The following SLK variants were observed in gnomAD, a reference collection of about 807,000 sequenced individuals.
SLK encodes the protein STE20 like kinase.
A neutral mutation model predicts 147.7 loss-of-function variants in SLK; 67 were observed. The ratio of observed to expected loss-of-function variants is 0.45; its 90% CI spans 0.37 to 0.56. SLK has a LOEUF of 0.56. SLK is among the 20% of genes least tolerant of loss of function. SLK has a pLI of 0.00. For missense variants in SLK, 1,136 were observed against 1,438.8 expected (o/e 0.79, Z 3.41); for synonymous variants, 441 against 475.0 (o/e 0.93, Z 0.93).
chr10:103,985,692 T>A, intron 1 of SLK, among the ~76,000 whole-genome samples: 1 of 152,202 alleles, frequency 6.6e-6, no homozygotes, highest in Admixed American at 6.5e-5. Context: ...GGTCTTTCAG[T>A]TTCCAGCTAA....
chr10:104,023,927 G>T (rs1352732943), intron 18 of SLK, among the ~76,000 whole-genome samples: 1 of 152,178 alleles, frequency 6.6e-6, no homozygotes, highest in African/African-American at 2.4e-5. Flanking sequence ...AAACTCAGTA[G>T]AGAGAAAACC....
Position 104,010,871 on chromosome 10 carries a change from G to A in SLK, c.2840G>A (p.Arg947His), listed in dbSNP as rs141355740. ...GAGCTGAGAAAAGAGCTCATGAAAC[G>A]CAGGAAAGAGGAGCTTGCACAAAGC... The part of the protein sequence containing the change: ...PKELRKELMK[R>H]RKEELAQSQH... Residue 947 changes from arginine (R) to histidine (H), a missense_variant, in exon 13 of 19, where the codon CGC becomes CAC. Transcript: ENST00000369755. 1.0e-5 allele frequency: 16 copies of A among 1,598,848 alleles called. No individual in the cohort carries two copies. Among genetic ancestry groups the A allele is most frequent in the Non-Finnish European group, 1.3e-5 (15 of 1,175,788 alleles).
chr10:104,022,740 T>C (rs780473195), intron 18 of SLK, among the ~76,000 whole-genome samples: 62 of 152,352 alleles, frequency 4.1e-4, no homozygotes, highest in Non-Finnish European at 7.3e-4. Context: ...CCCAGGTAGC[T>C]GGGATTACAG....
chr10:104,022,282 C>G (rs1844545928), intron 18 of SLK, among the ~76,000 whole-genome samples: 2 of 152,020 alleles, frequency 1.3e-5, no homozygotes, highest in African/African-American at 2.4e-5. Context: ...TCAACTGGAG[C>G]CATATTAAAA....
rs1213857775 is a variant in SLK at position 103,967,928 on chromosome 10, A to G, written c.150+33A>G. The G allele has an allele frequency of 1.9e-6, 3 of 1,609,796 alleles. 1 individual carries two copies. The highest frequency in any genetic ancestry group is 1.3e-5 in the African/African-American group (1 of 74,808). On this transcript the variant is annotated intron_variant, in intron 1 of 18. Transcript: ENST00000369755. ...GGGGAAAACGGGAAGTTGTACTGCG[A>G]AGGTAAAACAGCCACTGGCCTGGAG...
rs749574763 is a variant in SLK at position 104,002,618 on chromosome 10, G to T, written c.1440G>T (p.Met480Ile). Residue 480 changes from methionine (M) to isoleucine (I), a missense_variant, in exon 9 of 19, where the codon ATG (methionine) becomes ATT (isoleucine). Met to Ile is a conservative substitution (Grantham distance 10). This residue lies in a region of SLK where 516 missense variants were observed against 531.3 expected (regional missense o/e 0.97). Transcript: ENST00000369755. ...EEEKDQEKQQMFENKLIKSEE... is the reference protein window; with the variant it reads ...EEEKDQEKQQIFENKLIKSEE... Reference sequence around the variant, plus strand: ...AAAAGGATCAGGAAAAGCAACAGATGTTTGAAAATAAGCTTATAAAATCTG... The same window carrying T: ...AAAAGGATCAGGAAAAGCAACAGATTTTTGAAAATAAGCTTATAAAATCTG... The T allele has an allele frequency of 2.5e-6, 4 of 1,607,082 alleles. No homozygotes were observed. In the South Asian group the frequency reaches 4.4e-5, roughly 18 times the overall value.
At chr10:104,020,018 G>C in intron 16 of SLK, 96 bp downstream of exon 16, 1 of 925,126 alleles carries the variant, frequency 1.1e-6, no homozygotes, top group Non-Finnish European at 1.7e-6. Context: ...AACAATTAGA[G>C]CCACCTTAGG....
Position 104,028,004 on chromosome 10 carries a change from C to T in SLK, c.*2284C>T, listed in dbSNP as rs1844620430. On this transcript the variant is annotated 3_prime_UTR_variant, in exon 19 of 19. Coordinates refer to ENST00000369755, the MANE Select transcript of SLK (RefSeq NM_014720.4). Reference sequence around the variant, plus strand: ...TAGAGGTAAAGCATTCATTTTAATACTTAAAGTTATATAAATCTTTTCAAA... The same window carrying T: ...TAGAGGTAAAGCATTCATTTTAATATTTAAAGTTATATAAATCTTTTCAAA... The T allele has an allele frequency of 6.6e-6, 1 of 152,154 alleles. No individual in the cohort carries two copies. The highest frequency in any genetic ancestry group is 2.1e-4 in the South Asian group (1 of 4,830). The allele number at this position is 152,154 out of a possible 1,614,324, so 9.4% of individuals were successfully genotyped here.
intron 13 of SLK, among the ~76,000 whole-genome samples, chr10:104,012,095 T>A (rs894706862): frequency 6.6e-6 from 1 of 152,212 alleles, no homozygotes; most frequent in African/African-American, 2.4e-5. Context: ...ATTTGTTGTT[T>A]TATGTGATTT....
At chr10:103,979,807 T>C (rs1843918280) in intron 1 of SLK, among the ~76,000 whole-genome samples, 1 of 152,196 alleles carries the variant, frequency 6.6e-6, no homozygotes, top group Admixed American at 6.5e-5. Context: ...TGCATTGTGG[T>C]TTATCTTTTC....
At chr10:103,974,616 A>C (rs1843839146) in intron 1 of SLK, 1 of 78,894 alleles carries the variant, frequency 1.3e-5, no homozygotes, top group African/African-American at 5.0e-5. Context: ...CTCCGTCTCA[A>C]AAAAAAAAAA....
Position 104,018,238 on chromosome 10 carries a change from TTAGCTAATATTGAGA to T in SLK, c.2957_2971del (p.Leu986_Arg991delinsTer). 1 of 1,599,474 alleles carries T rather than the reference TTAGCTAATATTGAGA, an allele frequency of 6.3e-7. No homozygotes were observed. The highest frequency in any genetic ancestry group is 8.5e-7 in the Non-Finnish European group (1 of 1,176,584). The stretch of plus-strand genomic sequence containing the variant: ...GATCATCCAGCAGCAGAAGGCAGAG[TTAGCTAATATTGAGA>T]GAGAGTGCCTGAATAACAAGCAACA... On this transcript the variant is annotated stop_gained and inframe_deletion, in exon 14 of 19. Transcript: ENST00000369755. LOFTEE classifies it high-confidence loss of function.
chr10:104,023,611 C>A, intron 18 of SLK, among the ~76,000 whole-genome samples: 1 of 152,102 alleles, frequency 6.6e-6, no homozygotes, highest in East Asian at 1.9e-4. Flanking sequence ...GCCCATTTTC[C>A]ATCTGGGTGT....
At position 103,980,424 on chromosome 10, in the gene SLK, ACT is replaced by A. The variant is rs1412935865; in HGVS notation, c.151-10250_151-10249del. ...ACATTCGTAATGTGCAACTGTCACC[ACT>A]GTCTGTCCATCATGCCTCTTATCTT... On this transcript the variant is annotated intron_variant, in intron 1 of 18. Transcript: ENST00000369755. Among the ~76,000 whole-genome samples, 3 of 152,216 alleles carry A rather than the reference ACT, an allele frequency of 2.0e-5. No individual in the cohort carries two copies. In the East Asian group the frequency reaches 5.8e-4, roughly 29 times the overall value.
chr10:104,000,056 A>C, intron 7 of SLK, 108 bp downstream of exon 7: 1 of 500,654 alleles, frequency 2.0e-6, no homozygotes, highest in Non-Finnish European at 3.6e-6. Flanking sequence ...TGGAGAGTCA[A>C]AATGGCAGTA....
chr10:104,002,943 A>T lies in SLK; in HGVS notation c.1765A>T (p.Met589Leu), dbSNP rs1358887231. 6.2e-7 allele frequency: 1 copy of T among 1,613,974 alleles called. No homozygotes were observed. Among genetic ancestry groups the T allele is most frequent in the Non-Finnish European group, 8.5e-7 (1 of 1,179,962 alleles). The change falls in exon 9 of 19, where the codon ATG (methionine) becomes TTG (leucine). Residue 589 changes from methionine to leucine, a missense_variant. This residue lies in a region of SLK where 516 missense variants were observed against 531.3 expected (regional missense o/e 0.97). Coordinates refer to ENST00000369755, the MANE Select transcript of SLK (RefSeq NM_014720.4). ...AGGCCAGAAATTAATTAATAAGCCC[A>T]TGGTGGGTCCTGAGGCTGGTGGTAC... ...EVGQKLINKPMVGPEAGGTKE... is the reference protein window; with the variant it reads ...EVGQKLINKPLVGPEAGGTKE...
rs1177550376 is a variant in SLK at position 104,026,254 on chromosome 10, A to G, written c.*534A>G. The G allele has an allele frequency of 1.3e-5, 2 of 152,658 alleles. No homozygotes were observed. The highest frequency in any genetic ancestry group is 2.9e-5 in the Non-Finnish European group (2 of 68,032). 9.5% of individuals were successfully genotyped at this position (152,658 alleles called of 1,614,324 possible). ...TTAAATAGGAACAACCTCTTTTAAAAGAGAAAAATTATTTCAGTGATTTGT... is the reference window on the plus strand; with the variant it reads ...TTAAATAGGAACAACCTCTTTTAAAGGAGAAAAATTATTTCAGTGATTTGT... On this transcript the variant is annotated 3_prime_UTR_variant, in exon 19 of 19. Transcript: ENST00000369755.
chr10:103,974,970 G>A (rs980244453), intron 1 of SLK, among the ~76,000 whole-genome samples: 11 of 150,202 alleles, frequency 7.3e-5, no homozygotes, highest in East Asian at 2.0e-4. Flanking sequence ...CACCTGGCCC[G>A]TCTTTTGGCT....
chr10:103,993,438 A>G (rs1270178257), intron 4 of SLK, among the ~76,000 whole-genome samples: 1 of 152,148 alleles, frequency 6.6e-6, no homozygotes, highest in Non-Finnish European at 1.5e-5. Flanking sequence ...TAGACTTAAT[A>G]CTTGTAAATG....
Sources: allele counts gnomAD v4.1 joint callset (sites outside exome capture counted in the v4.1 genomes callset), GRCh38; gene constraint gnomAD v4.1.1; regional missense constraint gnomAD v4.1.1; transcripts MANE v1.5; gene names NCBI Gene and HGNC (gene_info 2026-07-23, HGNC 2026-07-21).